ZNF106: variants seen among roughly 807,000 people sequenced by gnomAD.
The protein encoded by ZNF106 is SH3-domain binding protein 3.
ZNF106 carries 67 observed loss-of-function variants against 195.1 expected under a neutral mutation model. That is an observed-to-expected ratio of 0.34 (90% CI 0.28 to 0.42). The LOEUF (loss-of-function observed/expected upper bound fraction) is 0.42. Among genes scored for constraint, ZNF106 ranks in the 10% least tolerant of loss-of-function variants. ZNF106 has a pLI of 1.00. For synonymous variants in ZNF106, 784 were observed against 818.6 expected (o/e 0.96, Z 0.72); for missense variants, 2,118 against 2,304.5 (o/e 0.92, Z 1.66).
Position 42,466,235 on chromosome 15 carries a change from G to A in ZNF106, c.55-121C>T, listed in dbSNP as rs891973002. 5 of 583,550 alleles carry A rather than the reference G, an allele frequency of 8.6e-6. No individual in the cohort carries two copies. The African/African-American group carries it at 9.5e-5, about 11-fold the overall frequency. The allele number at this position is 583,550 out of a possible 1,614,324, so 36.1% of individuals were successfully genotyped here. On this transcript the variant is annotated intron_variant, in intron 2 of 21. Transcript: ENST00000564754. ...CTCCTTATGTCAAAATGTGTTTTTG[G>A]TTATTCTCAATTTAATACTGAAATC...
rs1468583385 is a variant in ZNF106 at position 42,428,119 on chromosome 15, C to T, written c.4897G>A (p.Glu1633Lys). The T allele has an allele frequency of 3.7e-6, 6 of 1,613,852 alleles. No homozygotes were observed. The highest frequency in any genetic ancestry group is 5.1e-6 in the Non-Finnish European group (6 of 1,179,912). ...CYNVKSRECV[E>K]QLQLEDRVLC... ...ACCCGGTCTTCCAGCTGTAACTGCT[C>T]CACACACTCTCGGCTCTGATAAAAG... The change falls in exon 15 of 22, where the codon GAG (glutamate) becomes AAG (lysine). Residue 1633 changes from glutamate (E) to lysine (K), a missense_variant. Coordinates refer to ENST00000564754, the MANE Select transcript of ZNF106 (RefSeq NM_001366845.3).
intron 14 of ZNF106, among the ~76,000 whole-genome samples, chr15:42,428,927 C>T (rs553639573): frequency 6.6e-6 from 1 of 151,620 alleles, no homozygotes; most frequent in Non-Finnish European, 1.5e-5. Context: ...CCACGCCCAG[C>T]TAATTTTTTG....
intron 16 of ZNF106, chr15:42,424,323 C>T (rs2054775675): frequency 4.7e-6 from 2 of 428,824 alleles, no homozygotes; most frequent in African/African-American, 4.0e-5. Context: ...TTCGAGTATA[C>T]CCACAGTATA....
intron 15 of ZNF106, among the ~76,000 whole-genome samples, chr15:42,426,932 C>T (rs1490178438): frequency 6.6e-6 from 1 of 152,132 alleles, no homozygotes; most frequent in South Asian, 2.1e-4. Flanking sequence ...TGATTATATA[C>T]GTGCTAAATT....
chr15:42,418,524 GC>G (rs1187875573), intron 20 of ZNF106, among the ~76,000 whole-genome samples: 1 of 129,472 alleles, frequency 7.7e-6, no homozygotes. Flanking sequence ...CACCACCACG[GC>G]CAGTTAATTT....
chr15:42,488,401 G>A (rs1031555587), intron 1 of ZNF106, among the ~76,000 whole-genome samples: 2 of 152,036 alleles, frequency 1.3e-5, no homozygotes, highest in African/African-American at 4.8e-5. Flanking sequence ...ATGAAGACCT[G>A]GGAGCTTCTT....
At chr15:42,423,882 C>T (rs538419803) in intron 17 of ZNF106, 116 bp downstream of exon 17, 17 of 932,422 alleles carry the variant, frequency 1.8e-5, no homozygotes, top group East Asian at 1.8e-4. Context: ...GGGATGATTA[C>T]GAATCCCTTC....
At chr15:42,430,306 AT>A (rs2055004622) in intron 14 of ZNF106, among the ~76,000 whole-genome samples, 1 of 151,752 alleles carries the variant, frequency 6.6e-6, no homozygotes, top group African/African-American at 2.4e-5. Flanking sequence ...GCAAGATTGT[AT>A]TTTTTTCAGT....
chr15:42,490,104 C>A (rs368411309), intron 1 of ZNF106, among the ~76,000 whole-genome samples: 2 of 151,636 alleles, frequency 1.3e-5, no homozygotes, highest in South Asian at 2.1e-4. Context: ...GTGGTGGGTG[C>A]CTGTAATCCC....
At position 42,417,982 on chromosome 15, in the gene ZNF106, GA is replaced by G; in HGVS notation, c.5518-32del. On this transcript the variant is annotated intron_variant, in intron 20 of 21. Transcript: ENST00000564754. ...GAGAAAGAAAATGAGGAGACTCGGT[GA>G]AAAAGGGTGCAGTGAACGTGAATCA... 3.7e-6 allele frequency: 6 copies of G among 1,603,260 alleles called. No individual in the cohort carries two copies. The Admixed American group carries it at 5.2e-5, about 14-fold the overall frequency.
chr15:42,428,060 A>G lies in ZNF106; in HGVS notation c.4956T>C (p.Tyr1652=), dbSNP rs2054918534. ...CCACAGTGCCATTTGCCAGTCCCGC[A>G]TAGAGGATTCGCCATCTACTGTGGA... The part of the protein sequence containing the change: ...LCLHSRWRIL[Y]AGLANGTVVT... The change falls in exon 15 of 22, where the codon TAT becomes TAC. Residue 1652 remains tyrosine (Y), a synonymous_variant. Coordinates refer to ENST00000564754, the MANE Select transcript of ZNF106 (RefSeq NM_001366845.3). 6.2e-7 allele frequency: 1 copy of G among 1,614,050 alleles called. No individual in the cohort carries two copies. Among genetic ancestry groups the G allele is most frequent in the Non-Finnish European group, 8.5e-7 (1 of 1,180,012 alleles).
rs1264317097 is a variant in ZNF106 at position 42,428,847 on chromosome 15, T to TCCACCTCC, written c.4882-721_4882-714dup. 3.9e-5 allele frequency among the ~76,000 whole-genome samples: 6 copies of TCCACCTCC among 152,070 alleles called. No individual in the cohort carries two copies. The East Asian group carries it at 1.2e-3, about 30-fold the overall frequency. ...GGTGCGATCTCGGCTCACTGCAAGC[T>TCCACCTCC]CCACCTCCCCGGTTCACACCATTCT... On this transcript the variant is annotated intron_variant, in intron 14 of 21. Transcript: ENST00000564754.
chr15:42,427,769 C>T (rs2054908266), intron 15 of ZNF106: 2 of 322,152 alleles, frequency 6.2e-6, no homozygotes, highest in East Asian at 5.6e-5. Context: ...ATTATTTGGC[C>T]CCAAATCTTC....
In ZNF106 at chr15:42,451,451, T is replaced by A; in HGVS notation, c.821A>T (p.Asn274Ile). The change falls in exon 5 of 22, where the codon AAT becomes ATT. Residue 274 changes from asparagine (N) to isoleucine (I), a missense_variant. Physicochemically the swap from Asn to Ile is moderately radical, Grantham distance 149. Coordinates refer to ENST00000564754, the MANE Select transcript of ZNF106 (RefSeq NM_001366845.3). ...GDKFQPGRNR[N>I]SNCQMEDMTM... ...CATGTCTTCCATTTGACAGTTAGAA[T>A]TTCTGTTTCTGCCTGGTTGAAATTT... 6.2e-7 allele frequency: 1 copy of A among 1,614,218 alleles called. No individual in the cohort carries two copies. Among genetic ancestry groups the A allele is most frequent in the Non-Finnish European group, 8.5e-7 (1 of 1,180,028 alleles).
intron 2 of ZNF106, 130 bp downstream of exon 2, chr15:42,472,106 C>T: frequency 1.1e-6 from 1 of 885,818 alleles, no homozygotes; most frequent in Non-Finnish European, 1.6e-6. Context: ...AGAAAAGAAG[C>T]ATAAATAAGA....
At position 42,419,581 on chromosome 15, in the gene ZNF106, ACT is replaced by A. The variant is rs1045509112; in HGVS notation, c.5517+1478_5517+1479del. 1.1e-4 allele frequency among the ~76,000 whole-genome samples: 17 copies of A among 151,570 alleles called. 1 individual carries two copies. The highest frequency in any genetic ancestry group is 1.1e-3 in the Admixed American group (16 of 15,226). ...AAAAGAAAAACAAGGAAGCACAAAGACTCTCTGTCTTGGCTTTTCCCTACAGG... is the reference window on the plus strand; with the variant it reads ...AAAAGAAAAACAAGGAAGCACAAAGACTCTGTCTTGGCTTTTCCCTACAGG... On this transcript the variant is annotated intron_variant, in intron 20 of 21. Transcript: ENST00000564754.
At chr15:42,434,955 T>C (rs1198948474) in intron 14 of ZNF106, among the ~76,000 whole-genome samples, 1 of 152,056 alleles carries the variant, frequency 6.6e-6, no homozygotes, top group Non-Finnish European at 1.5e-5. Flanking sequence ...GTATTTTTAG[T>C]AGAGACAGGG....
At chr15:42,489,229 G>A (rs1422456103) in intron 1 of ZNF106, among the ~76,000 whole-genome samples, 1 of 149,482 alleles carries the variant, frequency 6.7e-6, no homozygotes, top group Non-Finnish European at 1.5e-5. Flanking sequence ...CGTTTTTGGA[G>A]TACAATGGCA....
chr15:42,479,675 CTACTAA>C (rs2056859632), intron 1 of ZNF106, among the ~76,000 whole-genome samples: 1 of 151,936 alleles, frequency 6.6e-6, no homozygotes, highest in Non-Finnish European at 1.5e-5. Context: ...AACCCCATCT[CTACTAA>C]TAATATAAAA....
Sources: gnomAD v4.1 joint callset for allele counts (sites outside exome capture counted in the v4.1 genomes callset) on GRCh38, gnomAD v4.1.1 for gene constraint, MANE v1.5 for transcripts, NCBI Gene and HGNC (gene_info 2026-07-23, HGNC 2026-07-21) for gene names.